CDC42SE2: variants seen among roughly 807,000 people sequenced by gnomAD.
CDC42SE2 encodes the protein CDC42 small effector 2, also known as CDC42 small effector protein 2.
A neutral mutation model predicts 11.5 loss-of-function variants in CDC42SE2; 3 were observed. The ratio of observed to expected loss-of-function variants is 0.26; its 90% CI spans 0.12 to 0.67. The LOEUF (loss-of-function observed/expected upper bound fraction) is 0.67, where lower values mean the gene tolerates loss of function less well. CDC42SE2 is among the 30% of genes least tolerant of loss of function. The probability of loss-of-function intolerance (pLI) is 0.80; values close to 1 mark genes in which losing one functional copy is unlikely to be tolerated. For synonymous variants in CDC42SE2, 33 were observed against 34.8 expected (o/e 0.95, Z 0.18); for missense variants, 82 against 106.8 (o/e 0.77, Z 1.02).
intron 1 of CDC42SE2, among the ~76,000 whole-genome samples, chr5:131,269,139 A>G (rs563707573): frequency 1.4e-3 from 210 of 152,266 alleles, no homozygotes; most frequent in Non-Finnish European, 2.7e-3. Context: ...AATACTAACA[A>G]ATAATGAGTA....
chr5:131,252,458 A>G (rs1250826057), intron 1 of CDC42SE2, among the ~76,000 whole-genome samples: 3 of 152,200 alleles, frequency 2.0e-5, no homozygotes, highest in African/African-American at 7.2e-5. Context: ...GTTCAAGACC[A>G]GGCTGGCCTA....
intron 1 of CDC42SE2, among the ~76,000 whole-genome samples, chr5:131,309,086 CATAG>C (rs1757841679): frequency 6.6e-6 from 1 of 152,048 alleles, no homozygotes; most frequent in African/African-American, 2.4e-5. Context: ...GTGGGTTTGT[CATAG>C]ATAGCTCTTA....
chr5:131,211,840 C>T, the CDC42SE2 span, among the ~76,000 whole-genome samples: 2 of 151,672 alleles, frequency 1.3e-5, no homozygotes, highest in African/African-American at 4.8e-5. Context: ...AAAAATGAGC[C>T]GGGCTCGGTG....
At chr5:131,288,833 T>C (rs1187676626) in intron 1 of CDC42SE2, among the ~76,000 whole-genome samples, 9 of 152,202 alleles carry the variant, frequency 5.9e-5, no homozygotes, top group Non-Finnish European at 1.2e-4. Context: ...ATTGACTACT[T>C]TGGAGGAGCA....
At chr5:131,292,867 G>T (rs1757487272) in intron 1 of CDC42SE2, among the ~76,000 whole-genome samples, 1 of 129,246 alleles carries the variant, frequency 7.7e-6, no homozygotes, top group Admixed American at 8.8e-5. Context: ...AGCTGAGATT[G>T]CACCCACTCA....
chr5:131,353,929 C>T (rs1213088043), intron 2 of CDC42SE2, among the ~76,000 whole-genome samples: 1 of 150,632 alleles, frequency 6.6e-6, no homozygotes, highest in East Asian at 2.0e-4. Flanking sequence ...AAAAAATTAT[C>T]GTTTAAAAAT....
At chr5:131,253,426 G>T (rs547625700) in intron 1 of CDC42SE2, among the ~76,000 whole-genome samples, 110 of 152,260 alleles carry the variant, frequency 7.2e-4, no homozygotes, top group Non-Finnish European at 1.3e-3. Context: ...AAAATCTGTT[G>T]CATTGAATTG....
the CDC42SE2 span, among the ~76,000 whole-genome samples, chr5:131,228,787 G>C: frequency 6.6e-6 from 1 of 152,164 alleles, no homozygotes; most frequent in Non-Finnish European, 1.5e-5. Context: ...AAACAACAGA[G>C]AGTTTGCTAA....
intron 1 of CDC42SE2, among the ~76,000 whole-genome samples, chr5:131,311,049 C>A (rs957604392): frequency 1.3e-5 from 2 of 151,300 alleles, no homozygotes; most frequent in African/African-American, 2.4e-5. Flanking sequence ...ATGGTCTTTA[C>A]ATTTTGGCAT....
intron 1 of CDC42SE2, among the ~76,000 whole-genome samples, chr5:131,291,469 G>C (rs923638281): frequency 6.6e-6 from 1 of 151,974 alleles, no homozygotes; most frequent in Non-Finnish European, 1.5e-5. Flanking sequence ...TTTTCACTTT[G>C]ATCTTTATTT....
intron 1 of CDC42SE2, among the ~76,000 whole-genome samples, chr5:131,267,782 A>T (rs548840303): frequency 1.3e-5 from 2 of 152,230 alleles, no homozygotes; most frequent in South Asian, 4.1e-4. Flanking sequence ...TGTCTTTTTT[A>T]AAATTATGAA....
chr5:131,215,341 C>T, the CDC42SE2 span, among the ~76,000 whole-genome samples: 13 of 152,012 alleles, frequency 8.6e-5, no homozygotes, highest in Non-Finnish European at 1.6e-4. Context: ...TTTTAGCTAG[C>T]GTTAAAAAGA....
At chr5:131,335,435 T>C (rs1346998116) in intron 2 of CDC42SE2, among the ~76,000 whole-genome samples, 10 of 152,180 alleles carry the variant, frequency 6.6e-5, no homozygotes, top group Admixed American at 2.6e-4. Context: ...GAGAAGAATG[T>C]ATATTCTGTT....
intron 1 of CDC42SE2, among the ~76,000 whole-genome samples, chr5:131,254,542 GAA>G (rs80219806): frequency 4.7e-5 from 6 of 128,658 alleles, no homozygotes; most frequent in Non-Finnish European, 8.3e-5. Context: ...ACTCCATCTC[GAA>G]AAAAAAAAAA....
chr5:131,350,025 G>C (rs1281903914), intron 2 of CDC42SE2, among the ~76,000 whole-genome samples: 3 of 152,118 alleles, frequency 2.0e-5, no homozygotes, highest in Non-Finnish European at 4.4e-5. Flanking sequence ...AGAATATCCT[G>C]ATTAATGTCA....
At chr5:131,286,156 G>A (rs994160403) in intron 1 of CDC42SE2, among the ~76,000 whole-genome samples, 1 of 150,154 alleles carries the variant, frequency 6.7e-6, no homozygotes, top group Non-Finnish European at 1.5e-5. Flanking sequence ...CTGGGCTCAA[G>A]CAATCCTCCT....
chr5:131,300,536 G>A (rs570207251), intron 1 of CDC42SE2, among the ~76,000 whole-genome samples: 178 of 152,224 alleles, frequency 1.2e-3, no homozygotes, highest in African/African-American at 4.2e-3. Context: ...TGTAATCCCA[G>A]CACTTTGGGA....
chr5:131,321,922 C>T (rs1333380542), intron 2 of CDC42SE2, among the ~76,000 whole-genome samples: 1 of 152,196 alleles, frequency 6.6e-6, no homozygotes, highest in Non-Finnish European at 1.5e-5. Flanking sequence ...GCGATGTCGG[C>T]TCACTGCAAG....
chr5:131,372,408 T>C (rs920297532), intron 3 of CDC42SE2, among the ~76,000 whole-genome samples: 1 of 152,072 alleles, frequency 6.6e-6, no homozygotes, highest in Non-Finnish European at 1.5e-5. Flanking sequence ...GGGCTGGTTC[T>C]CTATTAGAGT....
Sources: gnomAD v4.1 joint callset for allele counts (sites outside exome capture counted in the v4.1 genomes callset) on GRCh38, gnomAD v4.1.1 for gene constraint, MANE v1.5 for transcripts, NCBI Gene and HGNC (gene_info 2026-07-23, HGNC 2026-07-21) for gene names.